Variants in ZFYVE1 observed in about 807,000 individuals in gnomAD.
The protein encoded by ZFYVE1 is zinc finger FYVE-type containing 1, also known as zinc finger FYVE domain-containing protein 1.
In ZFYVE1, 30 loss-of-function variants were observed where a neutral mutation model predicts 74.4. That is an observed-to-expected ratio of 0.40 (90% CI 0.30 to 0.55). The LOEUF (loss-of-function observed/expected upper bound fraction) is 0.55. ZFYVE1 is among the 20% of genes least tolerant of loss of function. The probability of loss-of-function intolerance (pLI) is 0.42; values close to 1 mark genes in which losing one functional copy is unlikely to be tolerated. For synonymous variants in ZFYVE1, 335 were observed against 385.1 expected (o/e 0.87, Z 1.52); for missense variants, 703 against 1,011.6 (o/e 0.69, Z 4.14).
intron 4 of ZFYVE1, among the ~76,000 whole-genome samples, chr14:72,992,266 G>A (rs532443665): frequency 1.7e-3 from 262 of 152,248 alleles, no homozygotes; most frequent in Middle Eastern, 3.4e-3. Flanking sequence ...CCTTCCATGC[G>A]TAATAGTCTC....
chr14:72,977,884 C>T lies in ZFYVE1; in HGVS notation c.1635+43G>A, dbSNP rs372613065. The T allele has an allele frequency of 1.5e-5, 24 of 1,592,028 alleles. No individual in the cohort carries two copies. The Admixed American group carries it at 2.1e-4, about 14-fold the overall frequency. On this transcript the variant is annotated intron_variant, in intron 8 of 11. Coordinates refer to ENST00000556143, the MANE Select transcript of ZFYVE1 (RefSeq NM_021260.4). ...TTTTCTATACACATGAAAAACTGAA[C>T]GACACAAGATAAAGAAAAACAGAGA...
At chr14:73,015,168 T>C (rs956426208) in intron 2 of ZFYVE1, among the ~76,000 whole-genome samples, 1 of 142,144 alleles carries the variant, frequency 7.0e-6, no homozygotes, top group Non-Finnish European at 1.5e-5. Context: ...GAAGCAGAGG[T>C]TGCAGTGAGT....
chr14:72,988,133 A>G (rs1171537015), intron 4 of ZFYVE1, among the ~76,000 whole-genome samples: 1 of 152,018 alleles, frequency 6.6e-6, no homozygotes, highest in Non-Finnish European at 1.5e-5. Flanking sequence ...AGAGTACTGC[A>G]TCAATCAGGT....
chr14:72,970,868 A>C lies in ZFYVE1; in HGVS notation c.*14T>G, dbSNP rs1307261268. The C allele has an allele frequency of 1.2e-6, 2 of 1,612,940 alleles. No homozygotes were observed. The highest frequency in any genetic ancestry group is 1.7e-5 in the Admixed American group (1 of 59,988). ...ACCTAAGGAATTGTGAAGGACTCGG[A>C]GAGGGGGCTGGGGTTAAAGGTCACC... is the stretch of plus-strand genomic sequence containing the variant. On this transcript the variant is annotated 3_prime_UTR_variant, in exon 12 of 12. Transcript: ENST00000556143.
At position 72,975,116 on chromosome 14, in the gene ZFYVE1, T is replaced by C. The variant is rs752316722; in HGVS notation, c.1807-157A>G. The C allele has an allele frequency of 1.0e-4, 79 of 753,554 alleles. No homozygotes were observed. The highest frequency in any genetic ancestry group is 4.1e-5 in the Non-Finnish European group (20 of 492,396). The allele number at this position is 753,554 out of a possible 1,614,324, so 46.7% of individuals were successfully genotyped here. On this transcript the variant is annotated intron_variant, in intron 9 of 11. Coordinates refer to ENST00000556143, the MANE Select transcript of ZFYVE1 (RefSeq NM_021260.4). This position sits in a 1 kb window ranked among gnomAD's most constrained non-coding sequence, Gnocchi z 4.1. ...TTTCTAGTAACGCGTTATCTGAGAA[T>C]GGAAAGGAAGCCTGGTGGACAGTGA...
At position 72,975,919 on chromosome 14, in the gene ZFYVE1, G is replaced by A; in HGVS notation, c.1636-198C>T. 4.8e-6 allele frequency: 3 copies of A among 622,546 alleles called. No homozygotes were observed. The highest frequency in any genetic ancestry group is 8.1e-6 in the Non-Finnish European group (3 of 369,008). 38.6% of individuals were successfully genotyped at this position (622,546 alleles called of 1,614,324 possible). A position where few individuals can be genotyped will look rare whatever the true frequency, so the allele number is the denominator to read the frequency against. ...TGACCATAAGACTTGATGTGTAGCT[G>A]TTCAATTCAGGACTTACTAAGCCCA... On this transcript the variant is annotated intron_variant, in intron 8 of 11. Coordinates refer to ENST00000556143, the MANE Select transcript of ZFYVE1 (RefSeq NM_021260.4). This position sits in a 1 kb window ranked among gnomAD's most constrained non-coding sequence, Gnocchi z 4.1.
chr14:72,978,796 T>C, intron 6 of ZFYVE1, 65 bp downstream of exon 6: 4 of 1,383,738 alleles, frequency 2.9e-6, no homozygotes, highest in Non-Finnish European at 4.1e-6. Context: ...CCCAAGATAG[T>C]CTTGCCAAAG....
intron 2 of ZFYVE1, among the ~76,000 whole-genome samples, chr14:73,016,974 C>T (rs1894216087): frequency 6.6e-6 from 1 of 152,032 alleles, no homozygotes; most frequent in African/African-American, 2.4e-5. Context: ...CTGAGTTCAC[C>T]AGCTAAATTA....
intron 2 of ZFYVE1, among the ~76,000 whole-genome samples, chr14:73,015,276 G>C (rs868550237): frequency 1.2e-5 from 1 of 84,508 alleles, no homozygotes; most frequent in Non-Finnish European, 2.4e-5. Context: ...AAGGAAGGAA[G>C]GAAGGAAGGA....
intron 2 of ZFYVE1, among the ~76,000 whole-genome samples, chr14:73,007,920 A>G (rs74062632): frequency 2.0e-4 from 30 of 152,294 alleles, no homozygotes; most frequent in African/African-American, 6.7e-4. Context: ...TCATTTCTCA[A>G]TCAAATGTTT....
At chr14:73,026,359 G>A (rs1260752702) in intron 1 of ZFYVE1, among the ~76,000 whole-genome samples, 2 of 151,972 alleles carry the variant, frequency 1.3e-5, no homozygotes, top group African/African-American at 4.8e-5. Flanking sequence ...GCATTCCAAG[G>A]CCCCGACAAG....
intron 2 of ZFYVE1, among the ~76,000 whole-genome samples, chr14:73,010,768 T>TAAAAAAAAAAAAAAAAAAAAAAAACAAAA: frequency 1.7e-5 from 1 of 58,986 alleles, no homozygotes; most frequent in Non-Finnish European, 2.9e-5. Flanking sequence ...AGACTCCATC[T>TAAAAAAAAAAAAAAAAAAAAAAAACAAAA]AAAAAAAAAA....
rs757292382 is a variant in ZFYVE1 at position 72,998,044 on chromosome 14, A to T, written c.755T>A (p.Leu252Gln). ...ATVNLSQRTR[L>Q]LLKVLAISDL... ...TGAGATGGCCAGGACCTTAAGCAGC[A>T]GCCGTGTTCTCTGGCTTAGATTCAC... The change falls in exon 3 of 12, where the codon CTG (leucine) becomes CAG (glutamine). Residue 252 changes from leucine to glutamine, a missense_variant. By Grantham distance (113) the Leu-to-Gln change is moderately radical. Coordinates refer to ENST00000556143, the MANE Select transcript of ZFYVE1 (RefSeq NM_021260.4). The T allele has an allele frequency of 1.2e-6, 2 of 1,614,102 alleles. No individual in the cohort carries two copies. Among genetic ancestry groups the T allele is most frequent in the Middle Eastern group, 1.6e-4 (1 of 6,062 alleles).
At chr14:73,008,886 GT>G (rs1245798451) in intron 2 of ZFYVE1, among the ~76,000 whole-genome samples, 1 of 152,148 alleles carries the variant, frequency 6.6e-6, no homozygotes, top group Non-Finnish European at 1.5e-5. Context: ...AGAGAGTTAG[GT>G]TTAAATCATA....
chr14:72,975,717 T>A lies in ZFYVE1; in HGVS notation c.1640A>T (p.Asp547Val). 6.2e-7 allele frequency: 1 copy of A among 1,613,596 alleles called. No individual in the cohort carries two copies. The highest frequency in any genetic ancestry group is 8.5e-7 in the Non-Finnish European group (1 of 1,179,816). The change falls in exon 9 of 12, where the codon GAT becomes GTT. Residue 547 changes from aspartate to valine, a missense_variant. Physicochemically the swap from Asp to Val is radical, Grantham distance 152. Transcript: ENST00000556143. The surrounding 1 kb of genome is among the most constrained non-coding windows in gnomAD (Gnocchi z 4.1). ...ATTGTTGTTGTCCTTCAGAAACCCA[T>A]CAGTCTGAAATGAAAACGCAGGCTT... ...TEIVHVWPGT[D>V]GFLKDNNNAA...
At chr14:73,002,106 G>T (rs535838142) in intron 2 of ZFYVE1, among the ~76,000 whole-genome samples, 1 of 152,180 alleles carries the variant, frequency 6.6e-6, no homozygotes, top group Non-Finnish European at 1.5e-5. Flanking sequence ...AAAAAAGAAT[G>T]AAGTGCTGAT....
Position 73,024,159 on chromosome 14 carries a change from G to C in ZFYVE1, c.350C>G (p.Pro117Arg). 6.2e-7 allele frequency: 1 copy of C among 1,614,122 alleles called. No homozygotes were observed. The highest frequency in any genetic ancestry group is 2.2e-5 in the East Asian group (1 of 44,882). ...THSGGNKRRH[P>R]VTVYNVSNLQ... is the part of the protein sequence containing the mutation. ...ATTACTGACATTGTACACAGTAACA[G>C]GGTGTCTCCTTTTGTTACCCCCAGA... Residue 117 changes from proline (P) to arginine (R), a missense_variant, in exon 2 of 12, where the codon CCT becomes CGT. Physicochemically the swap from Pro to Arg is moderately radical, Grantham distance 103 (BLOSUM62 -2). This residue lies in a region of ZFYVE1 where 211 missense variants were observed against 221.7 expected (regional missense o/e 0.95). Transcript: ENST00000556143.
rs1442521953 is a variant in ZFYVE1, at chr14:72,970,448, G to A, written c.*434C>T. 1.1e-5 allele frequency: 2 copies of A among 189,062 alleles called. No individual in the cohort carries two copies. The highest frequency in any genetic ancestry group is 1.3e-4 in the East Asian group (1 of 7,700). The allele number at this position is 189,062 out of a possible 1,614,324, so 11.7% of individuals were successfully genotyped here. A position where few individuals can be genotyped will look rare whatever the true frequency, so the allele number is the denominator to read the frequency against. On this transcript the variant is annotated 3_prime_UTR_variant, in exon 12 of 12. Transcript: ENST00000556143. The stretch of plus-strand genomic sequence containing the variant: ...AGGCTCCAAGAGCAGCAGAGGAAGG[G>A]GCCAGCCACGTGGTGGCCATGGACC...
chr14:72,989,454 G>A (rs1278671911), intron 4 of ZFYVE1, among the ~76,000 whole-genome samples: 2 of 152,196 alleles, frequency 1.3e-5, no homozygotes, highest in African/African-American at 4.8e-5. Context: ...ACAGACTGAG[G>A]AGGGGGGAGG....
Sources: allele counts gnomAD v4.1 joint callset (sites outside exome capture counted in the v4.1 genomes callset), GRCh38; gene constraint gnomAD v4.1.1; regional missense constraint gnomAD v4.1.1; non-coding constraint Gnocchi (gnomAD v3.1); transcripts MANE v1.5; gene names NCBI Gene and HGNC (gene_info 2026-07-23, HGNC 2026-07-21).